SATB2: variants seen among roughly 807,000 people sequenced by gnomAD.
The protein encoded by SATB2 is SATB homeobox 2.
Under a neutral mutation model 73.4 loss-of-function variants are expected in SATB2, and 1 was observed. The ratio of observed to expected loss-of-function variants is 0.01; its 90% CI spans 0.00 to 0.06. The LOEUF is 0.06. SATB2 is among the 10% of genes least tolerant of loss of function. The pLI is 1.00. For synonymous variants in SATB2, 397 were observed against 367.0 expected, an observed-to-expected ratio of 1.08 and a Z score of -0.93; for missense variants, 459 against 945.8, an observed-to-expected ratio of 0.49 and a Z score of 6.75.
chr2:199,404,957 C>T (rs1213623875), intron 3 of SATB2, among the ~76,000 whole-genome samples: 1 of 152,148 alleles, frequency 6.6e-6, no homozygotes, highest in Non-Finnish European at 1.5e-5. Flanking sequence ...CAGCTGAAAT[C>T]TTAATGAGGT....
chr2:199,441,494 T>C (rs564354725), intron 2 of SATB2, among the ~76,000 whole-genome samples: 1 of 152,316 alleles, frequency 6.6e-6, no homozygotes, highest in South Asian at 2.1e-4. Flanking sequence ...GTGGGGGCAA[T>C]GGGGTTGAGA....
At chr2:199,400,346 T>A (rs1349474611) in intron 3 of SATB2, among the ~76,000 whole-genome samples, 2 of 152,180 alleles carry the variant, frequency 1.3e-5, no homozygotes, top group African/African-American at 4.8e-5. Context: ...ATTTAAAGAC[T>A]CCAAATTGCC....
intron 3 of SATB2, among the ~76,000 whole-genome samples, chr2:199,421,699 A>T (rs1192564314): frequency 1.3e-5 from 2 of 152,228 alleles, no homozygotes; most frequent in East Asian, 3.8e-4. Context: ...CAATTACAAA[A>T]ACAAAATATG....
intron 2 of SATB2, among the ~76,000 whole-genome samples, chr2:199,439,384 C>T (rs894857159): frequency 1.3e-5 from 2 of 152,200 alleles, no homozygotes; most frequent in African/African-American, 4.8e-5. Context: ...CAGACAGGGC[C>T]CACTCCCTTC....
At chr2:199,351,616 T>C (rs1688822466) in intron 6 of SATB2, among the ~76,000 whole-genome samples, 1 of 152,142 alleles carries the variant, frequency 6.6e-6, no homozygotes, top group African/African-American at 2.4e-5. Context: ...AGCCTTCAGA[T>C]AACATAATCT....
At chr2:199,363,344 C>T (rs757316332) in intron 6 of SATB2, among the ~76,000 whole-genome samples, 5 of 152,126 alleles carry the variant, frequency 3.3e-5, no homozygotes, top group African/African-American at 1.2e-4. Flanking sequence ...ATATTTGTGA[C>T]GACATGAGTA....
intron 4 of SATB2, 148 bp downstream of exon 4, chr2:199,381,546 T>C (rs1689776034): frequency 1.8e-6 from 2 of 1,137,900 alleles, no homozygotes; most frequent in East Asian, 5.0e-5. Flanking sequence ...ACCCTTCTCC[T>C]TCTCTCCTTC....
chr2:199,406,914 ATAAGAG>A (rs1690646556), intron 3 of SATB2, among the ~76,000 whole-genome samples: 1 of 152,228 alleles, frequency 6.6e-6, no homozygotes, highest in Non-Finnish European at 1.5e-5. Context: ...AATAATAGTA[ATAAGAG>A]TAACATTCAT....
chr2:199,275,594 G>C (rs1028921922), intron 10 of SATB2, among the ~76,000 whole-genome samples: 1 of 152,142 alleles, frequency 6.6e-6, no homozygotes, highest in East Asian at 1.9e-4. Flanking sequence ...GTCTGATAAA[G>C]AAGGTTTCCA....
At chr2:199,390,958 G>T (rs11897489) in intron 3 of SATB2, among the ~76,000 whole-genome samples, 1 of 152,042 alleles carries the variant, frequency 6.6e-6, no homozygotes, top group African/African-American at 2.4e-5. Context: ...CAAAGAAAAC[G>T]TCACCATATA....
At chr2:199,470,979 GC>G (rs1692694470) in intron 1 of SATB2, 1 of 152,460 alleles carries the variant, frequency 6.6e-6, no homozygotes, top group Non-Finnish European at 1.5e-5. Flanking sequence ...AGTCCCAAAG[GC>G]TACAGCCAGG....
intron 3 of SATB2, chr2:199,423,833 C>T (rs530810412): frequency 1.3e-5 from 2 of 152,194 alleles, no homozygotes; most frequent in South Asian, 2.1e-4. Context: ...ACCTGAGCAG[C>T]CAAATCATTG....
rs996100386 is a variant in SATB2 at position 199,464,592 on chromosome 2, C to T, written c.-141+244G>A. Among the ~76,000 whole-genome samples the T allele has an allele frequency of 1.3e-5, 2 of 152,174 alleles. No individual in the cohort carries two copies. The highest frequency in any genetic ancestry group is 1.3e-4 in the Admixed American group (2 of 15,282). On this transcript the variant is annotated intron_variant, in intron 1 of 11. Coordinates refer to the SATB2 transcript ENST00000260926. This position sits in a 1 kb window ranked among gnomAD's most constrained non-coding sequence, Gnocchi z 6.6. The stretch of plus-strand genomic sequence containing the variant: ...TCTGAGACGCCCCGCGCCCGACTCA[C>T]GGCGCGAACACCAGCGCTCCGGCCG...
At chr2:199,446,948 C>T (rs951205004) in intron 2 of SATB2, among the ~76,000 whole-genome samples, 1 of 152,214 alleles carries the variant, frequency 6.6e-6, no homozygotes, top group Admixed American at 6.5e-5. Context: ...AATATTCCCC[C>T]CTAAGTCTGT....
chr2:199,276,681 T>C (rs1400881079), intron 10 of SATB2, among the ~76,000 whole-genome samples: 1 of 152,208 alleles, frequency 6.6e-6, no homozygotes, highest in Non-Finnish European at 1.5e-5. Context: ...AGATTTTCTT[T>C]ATATTAATCG....
intron 3 of SATB2, among the ~76,000 whole-genome samples, chr2:199,389,634 C>A (rs1396741516): frequency 6.6e-6 from 1 of 152,086 alleles, no homozygotes; most frequent in Non-Finnish European, 1.5e-5. Flanking sequence ...GCACTGTTTC[C>A]CATCCCCACA....
chr2:199,411,945 A>G (rs1690832243), intron 3 of SATB2, among the ~76,000 whole-genome samples: 1 of 152,226 alleles, frequency 6.6e-6, no homozygotes, highest in South Asian at 2.1e-4. Flanking sequence ...TCTCAGGTGA[A>G]CTGAAGAGGG....
intron 7 of SATB2, chr2:199,347,175 T>C (rs773650234): frequency 6.6e-6 from 1 of 152,162 alleles, no homozygotes; most frequent in Non-Finnish European, 1.5e-5. Flanking sequence ...CCCAGCCCCT[T>C]AACTTCTGAA....
At chr2:199,419,236 C>T (rs1691092584) in intron 3 of SATB2, among the ~76,000 whole-genome samples, 1 of 152,144 alleles carries the variant, frequency 6.6e-6, no homozygotes, top group Non-Finnish European at 1.5e-5. Context: ...CCACAGAGGC[C>T]TAGAACACAC....
Sources: allele counts gnomAD v4.1 joint callset (sites outside exome capture counted in the v4.1 genomes callset), GRCh38; gene constraint gnomAD v4.1.1; non-coding constraint Gnocchi (gnomAD v3.1); transcripts MANE v1.5; gene names NCBI Gene and HGNC (gene_info 2026-07-23, HGNC 2026-07-21).